UBE2D1: variants seen among roughly 807,000 people sequenced by gnomAD.
The protein encoded by UBE2D1 is ubiquitin conjugating enzyme E2 D1, also known as ubiquitin-conjugating enzyme E2 D1.
In UBE2D1, 9 loss-of-function variants were observed where a neutral mutation model predicts 24.6. The observed-to-expected ratio is 0.37, with a 90% confidence interval of 0.22 to 0.64. The LOEUF (loss-of-function observed/expected upper bound fraction) is 0.64. UBE2D1 is among the 30% of genes least tolerant of loss of function. The pLI is 0.64. For missense variants in UBE2D1, 87 were observed against 177.1 expected, an observed-to-expected ratio of 0.49 and a Z score of 2.89; for synonymous variants, 57 against 57.6, an observed-to-expected ratio of 0.99 and a Z score of 0.04.
chr10:58,335,021 C>G lies in UBE2D1; in HGVS notation c.-181C>G. 1.7e-6 allele frequency: 1 copy of G among 592,680 alleles called. No individual in the cohort carries two copies. The highest frequency in any genetic ancestry group is 3.4e-5 in the East Asian group (1 of 29,362). 36.7% of individuals were successfully genotyped at this position (592,680 alleles called of 1,614,324 possible). On this transcript the variant is annotated 5_prime_UTR_variant, in exon 1 of 7. Coordinates refer to ENST00000373910, the MANE Select transcript of UBE2D1 (RefSeq NM_003338.5). Reference sequence around the variant, plus strand: ...GTCCCCGCCCGCACACTCGCGCACACTCGCGCTCGGGCGCACACGGAGCAG... The same window carrying G: ...GTCCCCGCCCGCACACTCGCGCACAGTCGCGCTCGGGCGCACACGGAGCAG...
chr10:58,350,905 G>T (rs1840068761), intron 1 of UBE2D1, among the ~76,000 whole-genome samples: 1 of 152,190 alleles, frequency 6.6e-6, no homozygotes, highest in Non-Finnish European at 1.5e-5. Context: ...GTTGCTCCTA[G>T]GCTAGAAACC....
At chr10:58,340,946 A>C (rs2132314190) in intron 1 of UBE2D1, among the ~76,000 whole-genome samples, 1 of 152,296 alleles carries the variant, frequency 6.6e-6, no homozygotes, top group Middle Eastern at 3.4e-3. Context: ...GTTCTATACA[A>C]ATGTAAAGTG....
intron 1 of UBE2D1, among the ~76,000 whole-genome samples, chr10:58,359,520 T>G (rs182700840): frequency 6.6e-6 from 1 of 152,290 alleles, no homozygotes; most frequent in African/African-American, 2.4e-5. Flanking sequence ...ACCACATTGT[T>G]TCTTCATATC....
At chr10:58,347,605 A>C (rs1225340252) in intron 1 of UBE2D1, among the ~76,000 whole-genome samples, 5 of 148,454 alleles carry the variant, frequency 3.4e-5, no homozygotes, top group Non-Finnish European at 5.9e-5. Context: ...AATGTCTGTA[A>C]TTCTGACCTC....
chr10:58,357,866 T>C (rs569374568), intron 1 of UBE2D1, among the ~76,000 whole-genome samples: 56 of 152,282 alleles, frequency 3.7e-4, no homozygotes, highest in African/African-American at 1.3e-3. Context: ...TTTGATATAC[T>C]ATCAGCTGCC....
intron 5 of UBE2D1, among the ~76,000 whole-genome samples, chr10:58,366,459 G>A (rs1273786254): frequency 6.6e-6 from 1 of 152,080 alleles, no homozygotes; most frequent in Non-Finnish European, 1.5e-5. Flanking sequence ...AGTGAAACTG[G>A]GGCAAATGGC....
intron 5 of UBE2D1, among the ~76,000 whole-genome samples, chr10:58,365,694 C>G (rs1840248443): frequency 1.3e-5 from 2 of 152,126 alleles, no homozygotes; most frequent in African/African-American, 4.8e-5. Context: ...TGTCTTGTTT[C>G]TCTGAAAGAA....
chr10:58,345,298 C>G (rs956676094), intron 1 of UBE2D1, among the ~76,000 whole-genome samples: 3 of 151,912 alleles, frequency 2.0e-5, no homozygotes, highest in African/African-American at 7.3e-5. Flanking sequence ...TAGTGAGATC[C>G]CATTTATTTT....
chr10:58,338,088 C>A (rs1839922377), intron 1 of UBE2D1, among the ~76,000 whole-genome samples: 1 of 152,128 alleles, frequency 6.6e-6, no homozygotes, highest in South Asian at 2.1e-4. Flanking sequence ...CTCAGGCAAT[C>A]CACCTACCTC....
chr10:58,346,272 G>C (rs184702138), intron 1 of UBE2D1, among the ~76,000 whole-genome samples: 89 of 152,006 alleles, frequency 5.9e-4, no homozygotes, highest in African/African-American at 2.1e-3. Context: ...TCAGACTCCC[G>C]AAGTGCTGGG....
At chr10:58,337,992 G>T (rs1208308345) in intron 1 of UBE2D1, among the ~76,000 whole-genome samples, 1 of 151,960 alleles carries the variant, frequency 6.6e-6, no homozygotes, top group Non-Finnish European at 1.5e-5. Flanking sequence ...GACTACAGGC[G>T]CATGCTGCCA....
Position 58,363,605 on chromosome 10 carries a change from T to C in UBE2D1, c.121-4T>C, listed in dbSNP as rs1193205695. ...ATGCTGATGCAAATCTTTTGTAATT[T>C]CAGCCTGATAGCGCATATCAAGGTG... On this transcript the variant is annotated splice_polypyrimidine_tract_variant and splice_region_variant and intron_variant, in intron 3 of 6. Coordinates refer to ENST00000373910, the MANE Select transcript of UBE2D1 (RefSeq NM_003338.5). 1.9e-6 allele frequency: 3 copies of C among 1,599,014 alleles called. No individual in the cohort carries two copies. In the South Asian group the frequency reaches 3.4e-5, roughly 18 times the overall value.
Position 58,368,032 on chromosome 10 carries a change from T to C in UBE2D1, c.398+16T>C. On this transcript the variant is annotated intron_variant, in intron 6 of 6. Coordinates refer to ENST00000373910, the MANE Select transcript of UBE2D1 (RefSeq NM_003338.5). ...ACAAAGAAAAGTAAGTGTTTACTTATTTTAGTTTCTGTATGGATACATTCC... is the reference window on the plus strand; with the variant it reads ...ACAAAGAAAAGTAAGTGTTTACTTACTTTAGTTTCTGTATGGATACATTCC... 1.3e-6 allele frequency: 2 copies of C among 1,572,162 alleles called. No homozygotes were observed. Among genetic ancestry groups the C allele is most frequent in the South Asian group, 1.1e-5 (1 of 89,912 alleles).
chr10:58,369,826 G>T lies in UBE2D1; in HGVS notation c.*1061G>T, dbSNP rs1300863880. ...GTAGAGGAGAATTTAGAGTAATTTGGGGTTTGTCTTGGATTATATCTAAAT... is the reference window on the plus strand; with the variant it reads ...GTAGAGGAGAATTTAGAGTAATTTGTGGTTTGTCTTGGATTATATCTAAAT... On this transcript the variant is annotated 3_prime_UTR_variant, in exon 7 of 7. Coordinates refer to ENST00000373910, the MANE Select transcript of UBE2D1 (RefSeq NM_003338.5). 6.6e-6 allele frequency: 1 copy of T among 151,766 alleles called. No individual in the cohort carries two copies. 9.4% of individuals were successfully genotyped at this position (151,766 alleles called of 1,614,324 possible).
At chr10:58,364,594 A>C in intron 4 of UBE2D1, 177 bp from the exon 5 acceptor site, 1 of 516,802 alleles carries the variant, frequency 1.9e-6, no homozygotes. Flanking sequence ...TCACATTCTC[A>C]CTAGCTAGAA....
chr10:58,335,425 G>A (rs1055342493), intron 1 of UBE2D1, among the ~76,000 whole-genome samples, 200 bp downstream of exon 1: 1 of 152,236 alleles, frequency 6.6e-6, no homozygotes, highest in Non-Finnish European at 1.5e-5. Context: ...CCAGGCGGCC[G>A]GAGGAGCTTG....
chr10:58,362,424 A>G (rs1840209729), intron 3 of UBE2D1, among the ~76,000 whole-genome samples: 2 of 152,192 alleles, frequency 1.3e-5, no homozygotes, highest in African/African-American at 2.4e-5. Flanking sequence ...TTGTTTTTCT[A>G]AAAAGGCAAA....
At chr10:58,367,294 A>G (rs567680290) in intron 5 of UBE2D1, among the ~76,000 whole-genome samples, 60 of 146,118 alleles carry the variant, frequency 4.1e-4, no homozygotes, top group Middle Eastern at 3.5e-3. Context: ...TCAGATACTT[A>G]GATCGTTAGT....
chr10:58,366,719 T>C (rs892215737), intron 5 of UBE2D1, among the ~76,000 whole-genome samples: 1 of 151,850 alleles, frequency 6.6e-6, no homozygotes, highest in African/African-American at 2.4e-5. Context: ...GCTGGGATTA[T>C]AGGTGTGAGC....
Sources: allele counts gnomAD v4.1 joint callset (sites outside exome capture counted in the v4.1 genomes callset), GRCh38; gene constraint gnomAD v4.1.1; transcripts MANE v1.5; gene names NCBI Gene and HGNC (gene_info 2026-07-23, HGNC 2026-07-21).